ITGB5: variants seen among roughly 807,000 people sequenced by gnomAD.
ITGB5 encodes integrin subunit beta 5, also known as integrin beta-5.
A neutral mutation model predicts 84.8 loss-of-function variants in ITGB5; 38 were observed. That is an observed-to-expected ratio of 0.45 (90% confidence interval 0.35 to 0.59). The LOEUF (loss-of-function observed/expected upper bound fraction) is 0.59. Among genes scored for constraint, ITGB5 ranks in the 20% least tolerant of loss-of-function variants. The probability of loss-of-function intolerance (pLI) is 0.01; values close to 1 mark genes in which losing one functional copy is unlikely to be tolerated. For missense variants in ITGB5, 905 were observed against 1,034.5 expected, an observed-to-expected ratio of 0.87 and a Z score of 1.72; for synonymous variants, 393 against 414.4, an observed-to-expected ratio of 0.95 and a Z score of 0.63.
In ITGB5 at chr3:124,860,132, T is replaced by G. The variant is rs550178541; in HGVS notation, c.157-686A>C. 1.2e-3 allele frequency among the ~76,000 whole-genome samples: 181 copies of G among 152,170 alleles called. 1 individual carries two copies. The highest frequency in any genetic ancestry group is 1.7e-3 in the Non-Finnish European group (119 of 68,028). ...GACCCAGTGCTCTACTCCAAGAAACTTATTACAAGAAAATCATCTAAAGAG... is the reference window on the plus strand; with the variant it reads ...GACCCAGTGCTCTACTCCAAGAAACGTATTACAAGAAAATCATCTAAAGAG... On this transcript the variant is annotated intron_variant, in intron 2 of 14. Coordinates refer to ENST00000296181, the MANE Select transcript of ITGB5 (RefSeq NM_002213.5).
At chr3:124,869,187 C>T (rs2065439898) in intron 2 of ITGB5, among the ~76,000 whole-genome samples, 2 of 152,304 alleles carry the variant, frequency 1.3e-5, no homozygotes, top group Middle Eastern at 3.4e-3. Context: ...ACACACATCA[C>T]ATGCTTATTA....
intron 5 of ITGB5, among the ~76,000 whole-genome samples, chr3:124,830,143 T>C (rs1410337517): frequency 1.3e-5 from 2 of 152,190 alleles, no homozygotes; most frequent in Non-Finnish European, 2.9e-5. Flanking sequence ...GACGCAAGCT[T>C]CCAGCCTGTG....
At chr3:124,872,378 C>T (rs541595547) in intron 2 of ITGB5, among the ~76,000 whole-genome samples, 3 of 152,214 alleles carry the variant, frequency 2.0e-5, no homozygotes, top group Admixed American at 2.0e-4. Flanking sequence ...GTGTATTACA[C>T]CCACCTGACA....
rs1401485552 is a variant in ITGB5, at chr3:124,763,229, A to ATGCT, written c.*390_*393dup. 5.8e-6 allele frequency: 1 copy of ATGCT among 171,600 alleles called. No individual in the cohort carries two copies. The highest frequency in any genetic ancestry group is 1.3e-5 in the Non-Finnish European group (1 of 79,572). The allele number at this position is 171,600 out of a possible 1,614,324, so 10.6% of individuals were successfully genotyped here. On this transcript the variant is annotated 3_prime_UTR_variant, in exon 15 of 15. Transcript: ENST00000296181. ...ATCAATGTGAAAAAAGCCAAACTGT[A>ATGCT]TGCTGGTTTTACAGACTCCGACCCT...
intron 9 of ITGB5, among the ~76,000 whole-genome samples, chr3:124,804,510 T>C (rs1014418717): frequency 5.9e-5 from 9 of 152,140 alleles, no homozygotes; most frequent in Non-Finnish European, 8.8e-5. Flanking sequence ...ATCAAGCCAC[T>C]GTACTGCAGC....
At chr3:124,818,542 C>T (rs2064645281) in intron 7 of ITGB5, among the ~76,000 whole-genome samples, 2 of 108,916 alleles carry the variant, frequency 1.8e-5, no homozygotes, top group African/African-American at 6.9e-5. Flanking sequence ...GCGACAGAAT[C>T]TCACTCTGTC....
intron 4 of ITGB5, among the ~76,000 whole-genome samples, chr3:124,842,253 A>AT (rs1284763736): frequency 6.6e-6 from 1 of 152,264 alleles, no homozygotes; most frequent in African/African-American, 2.4e-5. Flanking sequence ...AGAAGGAAGT[A>AT]TTACACATCA....
chr3:124,788,072 T>A (rs1357242162), intron 10 of ITGB5, among the ~76,000 whole-genome samples: 1 of 152,100 alleles, frequency 6.6e-6, no homozygotes, highest in Non-Finnish European at 1.5e-5. Context: ...CATGCCTGGA[T>A]AATTTTTTGT....
At position 124,798,055 on chromosome 3, in the gene ITGB5, C is replaced by CTTTTTTTTTTTTTTTTTTTTT. The variant is rs60292129; in HGVS notation, c.1264-1239_1264-1238insAAAAAAAAAAAAAAAAAAAAA. ...TTCTATTCTTTCGGCTAGAATAAAG[C>CTTTTTTTTTTTTTTTTTTTTT]TTTTTTTTTTTTTTTTGAGGTGGAG... On this transcript the variant is annotated intron_variant, in intron 9 of 14. Coordinates refer to ENST00000296181, the MANE Select transcript of ITGB5 (RefSeq NM_002213.5). 8.2e-4 allele frequency among the ~76,000 whole-genome samples: 85 copies of CTTTTTTTTTTTTTTTTTTTTT among 103,634 alleles called. 18 individuals are homozygous for CTTTTTTTTTTTTTTTTTTTTT. Among genetic ancestry groups the CTTTTTTTTTTTTTTTTTTTTT allele is most frequent in the Middle Eastern group, 5.2e-3 (1 of 192 alleles). 68.0% of individuals were successfully genotyped at this position (103,634 alleles called of 152,430 possible).
chr3:124,764,447 C>A lies in ITGB5; in HGVS notation c.2248G>T (p.Asp750Tyr). 1 of 1,614,034 alleles carries A rather than the reference C, an allele frequency of 6.2e-7. No homozygotes were observed. The highest frequency in any genetic ancestry group is 1.1e-5 in the South Asian group (1 of 91,032). Residue 750 changes from aspartate to tyrosine, a missense_variant, in exon 14 of 15, where the codon GAC becomes TAC. Around this residue, in one of 3 missense-constraint regions of ITGB5, gnomAD observed 133 missense variants for 122.8 expected, o/e 1.08. Coordinates refer to ENST00000296181, the MANE Select transcript of ITGB5 (RefSeq NM_002213.5). The part of the protein sequence containing the change: ...AIWKLLVTIH[D>Y]RREFAKFQSE... Reference sequence around the variant, plus strand: ...TGAAACTTTGCAAACTCCCTCCGGTCGTGGATGGTGACAAGCAGCTTCCAG... The same window carrying A: ...TGAAACTTTGCAAACTCCCTCCGGTAGTGGATGGTGACAAGCAGCTTCCAG...
intron 1 of ITGB5, among the ~76,000 whole-genome samples, chr3:124,898,254 CA>C (rs1272477664): frequency 6.7e-6 from 1 of 148,714 alleles, no homozygotes; most frequent in African/African-American, 2.5e-5. Context: ...TGGATAACAG[CA>C]GCAAAAAATG....
In ITGB5 at chr3:124,834,340, G is replaced by C. The variant is rs193129328; in HGVS notation, c.780+7043C>G. ...TGCGCAGTGGTCAGAGGGAAGTTGT[G>C]GGAATTCTTTATTTTCTATTCATTT... On this transcript the variant is annotated intron_variant, in intron 5 of 14. Transcript: ENST00000296181. Among the ~76,000 whole-genome samples the C allele has an allele frequency of 3.5e-3, 524 of 151,040 alleles. 2 individuals carry two copies. The highest frequency in any genetic ancestry group is 0.012 in the Admixed American group (174 of 15,126).
At chr3:124,811,558 C>T (rs1488963974) in intron 8 of ITGB5, among the ~76,000 whole-genome samples, 2 of 152,122 alleles carry the variant, frequency 1.3e-5, no homozygotes, top group Non-Finnish European at 2.9e-5. Flanking sequence ...GCAAGATCTG[C>T]CCAAGCCGCC....
Position 124,797,622 on chromosome 3 carries a change from C to T in ITGB5, c.1264-805G>A, listed in dbSNP as rs189973079. 1.9e-4 allele frequency among the ~76,000 whole-genome samples: 29 copies of T among 152,218 alleles called. No individual in the cohort carries two copies. In the East Asian group the frequency reaches 2.1e-3, roughly 11 times the overall value. The stretch of plus-strand genomic sequence containing the variant: ...GGGCCTGGATGGGTGGCAGATGGTG[C>T]GGGAGGGATGCCTGTCAGCTGCCCA... On this transcript the variant is annotated intron_variant, in intron 9 of 14. Coordinates refer to ENST00000296181, the MANE Select transcript of ITGB5 (RefSeq NM_002213.5).
At chr3:124,898,727 T>G (rs1935161664) in intron 1 of ITGB5, among the ~76,000 whole-genome samples, 1 of 138,074 alleles carries the variant, frequency 7.2e-6, no homozygotes, top group African/African-American at 2.7e-5. Context: ...GCCAGGAGTT[T>G]GAGACCAGCC....
In ITGB5 at chr3:124,762,424, G is replaced by C. The variant is rs2063708492; in HGVS notation, c.*1199C>G. The C allele has an allele frequency of 6.6e-6, 1 of 152,186 alleles. No homozygotes were observed. Among genetic ancestry groups the C allele is most frequent in the Admixed American group, 6.5e-5 (1 of 15,280 alleles). The allele number at this position is 152,186 out of a possible 1,614,324, so 9.4% of individuals were successfully genotyped here. A position where few individuals can be genotyped will look rare whatever the true frequency, so the allele number is the denominator to read the frequency against. On this transcript the variant is annotated 3_prime_UTR_variant, in exon 15 of 15. Coordinates refer to ENST00000296181, the MANE Select transcript of ITGB5 (RefSeq NM_002213.5). ...CGGGCAAGCCACTTCCCCTCTCTGA[G>C]AATCAGTTTCCTCTTCTGTACATAA...
At position 124,768,577 on chromosome 3, in the gene ITGB5, C is replaced by A. The variant is rs140297733; in HGVS notation, c.2017+436G>T. ...CCGTAGCGTGTTTCAGTGCTTCACA[C>A]CTCTTAGTGGCTCAATAGTGTCCAC... On this transcript the variant is annotated intron_variant, in intron 12 of 14. Transcript: ENST00000296181. 2.8e-3 allele frequency among the ~76,000 whole-genome samples: 419 copies of A among 152,350 alleles called. 1 individual carries two copies. Among genetic ancestry groups the A allele is most frequent in the Admixed American group, 4.8e-3 (74 of 15,306 alleles).
intron 10 of ITGB5, among the ~76,000 whole-genome samples, chr3:124,783,867 T>C (rs1291486259): frequency 1.3e-5 from 2 of 152,194 alleles, no homozygotes; most frequent in Non-Finnish European, 2.9e-5. Flanking sequence ...ATACAAACAA[T>C]GACACATCTT....
intron 5 of ITGB5, among the ~76,000 whole-genome samples, chr3:124,825,366 A>AAAC (rs1485426636): frequency 6.6e-6 from 1 of 152,248 alleles, no homozygotes; most frequent in Non-Finnish European, 1.5e-5. Flanking sequence ...AAAAGAAATT[A>AAAC]AACTTTATGC....
Sources: allele counts gnomAD v4.1 joint callset (sites outside exome capture counted in the v4.1 genomes callset), GRCh38; gene constraint gnomAD v4.1.1; regional missense constraint gnomAD v4.1.1; transcripts MANE v1.5; gene names NCBI Gene and HGNC (gene_info 2026-07-23, HGNC 2026-07-21).